The following ACTR3B variants were observed in gnomAD, a reference collection of about 807,000 sequenced individuals.
ACTR3B encodes the protein actin related protein 3B.
Under a neutral mutation model 59.0 loss-of-function variants are expected in ACTR3B, and 8 were observed. That is an observed-to-expected ratio of 0.14 (90% confidence interval 0.08 to 0.24). The LOEUF (loss-of-function observed/expected upper bound fraction) is 0.24. ACTR3B is among the 10% of genes least tolerant of loss of function. The pLI is 1.00. For missense variants in ACTR3B, 245 were observed against 552.3 expected, an observed-to-expected ratio of 0.44 and a Z score of 5.58; for synonymous variants, 148 against 197.9, an observed-to-expected ratio of 0.75 and a Z score of 2.12.
chr7:152,818,930 C>T (rs963886117), intron 6 of ACTR3B, among the ~76,000 whole-genome samples: 1 of 152,136 alleles, frequency 6.6e-6, no homozygotes, highest in South Asian at 2.1e-4. Context: ...TGTGAAAATA[C>T]ATTTAAGAAG....
chr7:152,778,904 C>G (rs896644791), intron 1 of ACTR3B, among the ~76,000 whole-genome samples: 1 of 120,968 alleles, frequency 8.3e-6, no homozygotes, highest in African/African-American at 3.2e-5. Flanking sequence ...GATCACACCA[C>G]TGTACTCCAG....
chr7:152,838,881 T>C (rs1385957557), intron 9 of ACTR3B, among the ~76,000 whole-genome samples: 3 of 152,160 alleles, frequency 2.0e-5, no homozygotes, highest in Admixed American at 2.0e-4. Context: ...TGATGGGTGT[T>C]GTGTGCTGCT....
chr7:152,814,644 A>G lies in ACTR3B; in HGVS notation c.431A>G (p.Gln144Arg), dbSNP rs1795537291. ...GTACCAGGACTCTACATTGCAGTTC[A>G]GGTAAAACCAGTTACGTTTGTGATT... Reference protein sequence around the residue: ...FNVPGLYIAVQAVLALAASWT... With the variant: ...FNVPGLYIAVRAVLALAASWT... The change falls in exon 5 of 12, where the codon CAG becomes CGG. Residue 144 changes from glutamine (Q) to arginine (R), a missense_variant and splice_region_variant. Physicochemically the swap from Gln to Arg is conservative, Grantham distance 43. Around this residue, in one of 7 missense-constraint regions of ACTR3B, gnomAD observed 40 missense variants for 70.4 expected, o/e 0.57. Transcript: ENST00000256001. 1.2e-6 allele frequency: 2 copies of G among 1,610,870 alleles called. No individual in the cohort carries two copies. The highest frequency in any genetic ancestry group is 1.7e-6 in the Non-Finnish European group (2 of 1,177,402).
At chr7:152,802,938 CT>C (rs1483847127) in intron 4 of ACTR3B, among the ~76,000 whole-genome samples, 1 of 152,150 alleles carries the variant, frequency 6.6e-6, no homozygotes, top group Non-Finnish European at 1.5e-5. Flanking sequence ...TCTTTTTTCC[CT>C]GGCTGTGTCT....
At chr7:152,827,516 T>C (rs2116888569) in intron 9 of ACTR3B, among the ~76,000 whole-genome samples, 1 of 151,418 alleles carries the variant, frequency 6.6e-6, no homozygotes, top group East Asian at 1.9e-4. Context: ...TAAAAATTAA[T>C]CCAAAATCTC....
chr7:152,761,807 C>G (rs764146458), intron 1 of ACTR3B, among the ~76,000 whole-genome samples: 3 of 152,044 alleles, frequency 2.0e-5, no homozygotes, highest in Non-Finnish European at 4.4e-5. Context: ...AGTTTTGCCT[C>G]AAAATAGGAC....
chr7:152,849,449 G>A (rs997620611), intron 9 of ACTR3B, among the ~76,000 whole-genome samples: 2 of 152,198 alleles, frequency 1.3e-5, no homozygotes, highest in African/African-American at 4.8e-5. Flanking sequence ...CAATATATTA[G>A]CCTTGACCTT....
chr7:152,766,290 G>A (rs905725702), intron 1 of ACTR3B, among the ~76,000 whole-genome samples: 6 of 152,232 alleles, frequency 3.9e-5, no homozygotes, highest in Admixed American at 6.5e-5. Context: ...GACAACACGT[G>A]TGCAATGCTC....
Position 152,832,403 on chromosome 7 carries a change from A to G in ACTR3B, c.951+7281A>G, listed in dbSNP as rs538122760. 2.6e-5 allele frequency among the ~76,000 whole-genome samples: 4 copies of G among 152,376 alleles called. No individual in the cohort carries two copies. In the East Asian group the frequency reaches 7.7e-4, roughly 29 times the overall value. ...AAAGGTCTGCAAATGGATGTCACCAAGGGAGAGTAGCAGGTGAGGACAAGA... is the reference window on the plus strand; with the variant it reads ...AAAGGTCTGCAAATGGATGTCACCAGGGGAGAGTAGCAGGTGAGGACAAGA... On this transcript the variant is annotated intron_variant, in intron 9 of 11. Transcript: ENST00000256001.
At chr7:152,796,764 G>T (rs1159787327) in intron 2 of ACTR3B, among the ~76,000 whole-genome samples, 21 of 136,652 alleles carry the variant, frequency 1.5e-4, no homozygotes, top group African/African-American at 5.3e-4. Flanking sequence ...ACCCAGGCTG[G>T]AGTGTGGTGG....
chr7:152,845,468 T>C (rs1425661443), intron 9 of ACTR3B, among the ~76,000 whole-genome samples: 2 of 152,248 alleles, frequency 1.3e-5, no homozygotes, highest in Non-Finnish European at 2.9e-5. Flanking sequence ...ATGGTGCCCA[T>C]GCAGAGTGCT....
chr7:152,854,661 A>T lies in ACTR3B; in HGVS notation c.*108A>T. The T allele has an allele frequency of 8.4e-7, 1 of 1,188,786 alleles. No homozygotes were observed. Among genetic ancestry groups the T allele is most frequent in the Non-Finnish European group, 1.2e-6 (1 of 821,164 alleles). 73.6% of individuals were successfully genotyped at this position (1,188,786 alleles called of 1,614,324 possible). A position where few individuals can be genotyped will look rare whatever the true frequency, so the allele number is the denominator to read the frequency against. ...AATAGCGACGTCGGTGTTGCTGCCC[A>T]GCAGCGTGCTTGCATTGCCGGTGCA... On this transcript the variant is annotated 3_prime_UTR_variant, in exon 12 of 12. Coordinates refer to ENST00000256001, the MANE Select transcript of ACTR3B (RefSeq NM_020445.6). This position sits in a 1 kb window ranked among gnomAD's most constrained non-coding sequence, Gnocchi z 4.9.
intron 9 of ACTR3B, among the ~76,000 whole-genome samples, chr7:152,845,527 A>G (rs1798201749): frequency 6.6e-6 from 1 of 152,224 alleles, no homozygotes; most frequent in Non-Finnish European, 1.5e-5. Context: ...TGGAGCTCCC[A>G]TGACGTTTCA....
intron 2 of ACTR3B, among the ~76,000 whole-genome samples, chr7:152,783,978 G>T (rs2689476): frequency 5.9e-5 from 9 of 152,058 alleles, no homozygotes; most frequent in East Asian, 1.9e-4. Context: ...TAATCCCAGC[G>T]ACTCGGGAGG....
chr7:152,845,293 C>T (rs1798183779), intron 9 of ACTR3B, among the ~76,000 whole-genome samples: 1 of 152,122 alleles, frequency 6.6e-6, no homozygotes, highest in Admixed American at 6.5e-5. Context: ...TTCTCATTTG[C>T]TGAGTACTTT....
At chr7:152,773,689 CAA>C (rs1314721345) in intron 1 of ACTR3B, among the ~76,000 whole-genome samples, 1 of 152,030 alleles carries the variant, frequency 6.6e-6, no homozygotes, top group Non-Finnish European at 1.5e-5. Context: ...TTAAATGAAA[CAA>C]GGGTTTAATT....
At chr7:152,794,173 T>C (rs940940921) in intron 2 of ACTR3B, among the ~76,000 whole-genome samples, 1 of 152,152 alleles carries the variant, frequency 6.6e-6, no homozygotes, top group African/African-American at 2.4e-5. Flanking sequence ...AAGTATACTT[T>C]GTGTGTGTGT....
chr7:152,759,868 C>A lies in ACTR3B; in HGVS notation c.-15C>A. 2 of 1,316,428 alleles carry A rather than the reference C, an allele frequency of 1.5e-6. No individual in the cohort carries two copies. Among genetic ancestry groups the A allele is most frequent in the South Asian group, 2.0e-5 (1 of 50,164 alleles). 81.5% of individuals were successfully genotyped at this position (1,316,428 alleles called of 1,614,324 possible). ...CTCGGGCTGCCGGCGGGGCCGAGCG[C>A]CGCGCGTCCCGAGCATGGCAGGCTC... On this transcript the variant is annotated 5_prime_UTR_variant, in exon 1 of 12. Transcript: ENST00000256001.
At chr7:152,816,311 C>A (rs1365957452) in intron 5 of ACTR3B, among the ~76,000 whole-genome samples, 170 bp from the exon 6 acceptor site, 1 of 151,466 alleles carries the variant, frequency 6.6e-6, no homozygotes, top group African/African-American at 2.4e-5. Context: ...TGTTAGTTGT[C>A]CAAGTTTGAA....
Sources: allele counts gnomAD v4.1 joint callset (sites outside exome capture counted in the v4.1 genomes callset), GRCh38; gene constraint gnomAD v4.1.1; regional missense constraint gnomAD v4.1.1; non-coding constraint Gnocchi (gnomAD v3.1); transcripts MANE v1.5; gene names NCBI Gene and HGNC (gene_info 2026-07-23, HGNC 2026-07-21).